The following CUX1 variants were observed in gnomAD, a reference collection of about 807,000 sequenced individuals.
CUX1 encodes cut like homeobox 1.
In CUX1, 31 loss-of-function variants were observed where a neutral mutation model predicts 158.8. That is an observed-to-expected ratio of 0.20 (90% CI 0.15 to 0.26). The LOEUF (loss-of-function observed/expected upper bound fraction) is 0.26, where lower values mean the gene tolerates loss of function less well. Among genes scored for constraint, CUX1 ranks in the 10% least tolerant of loss-of-function variants. CUX1 has a pLI of 1.00. For missense variants in CUX1, 1,589 were observed against 2,014.6 expected (o/e 0.79, Z 4.04); for synonymous variants, 879 against 862.1 (o/e 1.02, Z -0.34).
chr7:102,249,294 CGGCCCA>C lies in CUX1; in HGVS notation c.*254_*259del. 1 of 1,038,858 alleles carries C rather than the reference CGGCCCA, an allele frequency of 9.6e-7. No homozygotes were observed. Among genetic ancestry groups the C allele is most frequent in the Non-Finnish European group, 1.2e-6 (1 of 863,906 alleles). 64.4% of individuals were successfully genotyped at this position (1,038,858 alleles called of 1,614,324 possible). A position where few individuals can be genotyped will look rare whatever the true frequency, so the allele number is the denominator to read the frequency against. ...GACCCTGCGGCCTCCACCAACCCCGCGGCCCAGACCCAGCCCGCGGCCTGGACCCCT... is the reference window on the plus strand; with the variant it reads ...GACCCTGCGGCCTCCACCAACCCCGCGACCCAGCCCGCGGCCTGGACCCCT... On this transcript the variant is annotated 3_prime_UTR_variant, in exon 24 of 24. Coordinates refer to ENST00000292535, the MANE Select transcript of CUX1 (RefSeq NM_181552.4).
At chr7:101,828,632 G>A (rs1411292771) in intron 1 of CUX1, among the ~76,000 whole-genome samples, 12 of 152,270 alleles carry the variant, frequency 7.9e-5, no homozygotes, top group Admixed American at 1.3e-4. Context: ...CCCAGACCCC[G>A]TCCCTGTGTC....
At chr7:102,135,430 G>C (rs531236657) in intron 8 of CUX1, among the ~76,000 whole-genome samples, 4 of 151,904 alleles carry the variant, frequency 2.6e-5, no homozygotes, top group Non-Finnish European at 5.9e-5. Flanking sequence ...TCGCTGTCTC[G>C]GGTGACAGCG....
At chr7:101,966,424 G>A (rs1021906036) in intron 2 of CUX1, among the ~76,000 whole-genome samples, 1 of 151,898 alleles carries the variant, frequency 6.6e-6, no homozygotes, top group Non-Finnish European at 1.5e-5. Flanking sequence ...AACAAGCCTG[G>A]CCGAGAGTTG....
chr7:101,966,998 T>C (rs1235985844), intron 2 of CUX1, among the ~76,000 whole-genome samples: 1 of 152,030 alleles, frequency 6.6e-6, no homozygotes, highest in Non-Finnish European at 1.5e-5. Context: ...CATTTGGAAT[T>C]TTTTTATTTT....
chr7:101,992,578 TAAAG>T (rs1333573711), intron 2 of CUX1, among the ~76,000 whole-genome samples: 2 of 152,122 alleles, frequency 1.3e-5, no homozygotes, highest in African/African-American at 2.4e-5. Flanking sequence ...GTTTGTAAGA[TAAAG>T]AAAAACATCC....
intron 1 of CUX1, among the ~76,000 whole-genome samples, chr7:101,847,203 C>T (rs141091135): frequency 2.8e-3 from 423 of 152,240 alleles, no homozygotes; most frequent in African/African-American, 4.3e-3. Flanking sequence ...TTTTCACCAA[C>T]GCTGTAGCAA....
intron 2 of CUX1, among the ~76,000 whole-genome samples, chr7:102,002,655 C>G (rs904127070): frequency 6.6e-6 from 1 of 152,200 alleles, no homozygotes; most frequent in Non-Finnish European, 1.5e-5. Context: ...GAGTCTGAAG[C>G]AAGGTCCCAC....
intron 15 of CUX1, among the ~76,000 whole-genome samples, chr7:102,198,424 AC>A (rs1323306884): frequency 1.2e-4 from 19 of 152,360 alleles, no homozygotes; most frequent in South Asian, 2.1e-4. Context: ...ATCAATTTGC[AC>A]CAAGAAAATG....
intron 2 of CUX1, among the ~76,000 whole-genome samples, chr7:102,022,452 T>C (rs1471799461): frequency 2.0e-5 from 3 of 151,952 alleles, no homozygotes; most frequent in Admixed American, 6.6e-5. Flanking sequence ...ACCCCGTCTC[T>C]ACAAAAAATG....
At chr7:102,170,860 G>A (rs868979645) in intron 10 of CUX1, among the ~76,000 whole-genome samples, 1 of 152,180 alleles carries the variant, frequency 6.6e-6, no homozygotes, top group Admixed American at 6.5e-5. Flanking sequence ...GGGTGTGATC[G>A]CTGGCATGCG....
intron 1 of CUX1, among the ~76,000 whole-genome samples, chr7:101,876,260 G>A (rs1335879589): frequency 2.6e-5 from 4 of 151,014 alleles, no homozygotes; most frequent in Non-Finnish European, 5.9e-5. Flanking sequence ...CAGGAGAGTC[G>A]CTTGATCCTA....
intron 2 of CUX1, among the ~76,000 whole-genome samples, chr7:101,956,567 G>C (rs1809808296): frequency 6.6e-6 from 1 of 152,206 alleles, no homozygotes; most frequent in Admixed American, 6.5e-5. Flanking sequence ...AGACTGTTTT[G>C]AAAACAGTTA....
chr7:102,277,976 C>T lies in CUX1; in HGVS notation c.1591C>T (p.Gln531Ter), dbSNP rs1791728287. Residue 531 changes from glutamine (Q) to a stop codon, truncating the protein, a stop_gained, in exon 18 of 23, where the codon CAG becomes TAG. Coordinates refer to the CUX1 transcript ENST00000292538. LOFTEE classifies it high-confidence loss of function. ...GAACCGCCTGGCCCAGCACACCCTC[C>T]AGGCCCTGCAGAGTGAGCTGGACAG... The T allele has an allele frequency of 6.3e-7, 1 of 1,591,896 alleles. No individual in the cohort carries two copies. Among genetic ancestry groups the T allele is most frequent in the African/African-American group, 1.3e-5 (1 of 74,112 alleles).
At chr7:102,060,027 G>T (rs983011995) in intron 3 of CUX1, among the ~76,000 whole-genome samples, 1 of 152,074 alleles carries the variant, frequency 6.6e-6, no homozygotes, top group African/African-American at 2.4e-5. Context: ...TGTAATCCCA[G>T]CACTTTGGGA....
intron 1 of CUX1, among the ~76,000 whole-genome samples, chr7:101,874,872 C>T (rs1209414524): frequency 1.3e-5 from 2 of 152,328 alleles, no homozygotes; most frequent in Middle Eastern, 3.4e-3. Context: ...AGTTTCAGAG[C>T]GTTTGCATCA....
intron 3 of CUX1, among the ~76,000 whole-genome samples, chr7:102,046,383 C>T (rs1822802900): frequency 6.6e-6 from 1 of 152,062 alleles, no homozygotes; most frequent in South Asian, 2.1e-4. Flanking sequence ...CAGGCACGCA[C>T]CACCACACCT....
At chr7:101,986,007 T>A (rs1814257404) in intron 2 of CUX1, among the ~76,000 whole-genome samples, 1 of 152,208 alleles carries the variant, frequency 6.6e-6, no homozygotes, top group African/African-American at 2.4e-5. Flanking sequence ...TTGTTGGCCT[T>A]TGAGACCTGC....
chr7:102,121,708 C>CT (rs1375524116), intron 8 of CUX1, among the ~76,000 whole-genome samples: 5 of 152,134 alleles, frequency 3.3e-5, no homozygotes, highest in African/African-American at 9.7e-5. Flanking sequence ...CTTGTTTGCC[C>CT]TTTCCTGAAG....
chr7:101,988,808 T>G (rs1329093803), intron 2 of CUX1, among the ~76,000 whole-genome samples: 2 of 151,990 alleles, frequency 1.3e-5, no homozygotes, highest in Non-Finnish European at 2.9e-5. Flanking sequence ...TGAGCCAGCC[T>G]CGGCAGCATA....
Sources: gnomAD v4.1 joint callset for allele counts (sites outside exome capture counted in the v4.1 genomes callset) on GRCh38, gnomAD v4.1.1 for gene constraint, MANE v1.5 for transcripts, NCBI Gene and HGNC (gene_info 2026-07-23, HGNC 2026-07-21) for gene names.